VRK1: variants seen among roughly 807,000 people sequenced by gnomAD.
The protein encoded by VRK1 is serine/threonine-protein kinase VRK1.
Under a neutral mutation model 57.1 loss-of-function variants are expected in VRK1, and 33 were observed. That is an observed-to-expected ratio of 0.58 (90% CI 0.44 to 0.77). The LOEUF is 0.77. Ranked by LOEUF, VRK1 falls within the 30% of genes least tolerant of loss-of-function variation. VRK1 has a pLI of 0.00. For synonymous variants in VRK1, 137 were observed against 147.8 expected, an observed-to-expected ratio of 0.93 and a Z score of 0.53; for missense variants, 413 against 477.3, an observed-to-expected ratio of 0.87 and a Z score of 1.25.
At chr14:96,858,043 AT>A (rs1480194922) in intron 10 of VRK1, among the ~76,000 whole-genome samples, 1 of 151,314 alleles carries the variant, frequency 6.6e-6, no homozygotes, top group Non-Finnish European at 1.5e-5. Context: ...ATTCATCCCC[AT>A]TATCGCATGT....
chr14:96,855,173 T>C (rs766657488), intron 7 of VRK1, 51 bp from the exon 8 acceptor site: 4 of 1,613,396 alleles, frequency 2.5e-6, no homozygotes, highest in East Asian at 2.2e-5. Context: ...TAAAGGGTTA[T>C]ATGTGCAGTG....
chr14:96,877,540 T>G (rs1217698686), intron 12 of VRK1: 1 of 1,289,538 alleles, frequency 7.8e-7, no homozygotes, highest in Non-Finnish European at 1.0e-6. Context: ...TCGAAGCATG[T>G]CTCAGCCAGA....
At chr14:96,843,848 A>G (rs1179442542) in intron 3 of VRK1, among the ~76,000 whole-genome samples, 1 of 152,208 alleles carries the variant, frequency 6.6e-6, no homozygotes, top group Non-Finnish European at 1.5e-5. Context: ...TTATTGGATT[A>G]GAAGAAGTAT....
At position 96,856,253 on chromosome 14, in the gene VRK1, A is replaced by G; in HGVS notation, c.830+3A>G. 3.1e-6 allele frequency: 5 copies of G among 1,612,658 alleles called. No homozygotes were observed. The highest frequency in any genetic ancestry group is 4.2e-6 in the Non-Finnish European group (5 of 1,179,636). On this transcript the variant is annotated splice_donor_region_variant and intron_variant, in intron 9 of 12. Transcript: ENST00000216639. ...TATGTTAGAGATTCCAAAATTAGGTAAAGGAAAACTTAAGTTATTTCTAGC... is the reference window on the plus strand; with the variant it reads ...TATGTTAGAGATTCCAAAATTAGGTGAAGGAAAACTTAAGTTATTTCTAGC...
intron 7 of VRK1, among the ~76,000 whole-genome samples, chr14:96,854,181 T>G (rs1473219011): frequency 6.6e-6 from 1 of 152,116 alleles, no homozygotes; most frequent in Non-Finnish European, 1.5e-5. Context: ...TTCTAGCCAT[T>G]TCTTTTTAGA....
intron 1 of VRK1, among the ~76,000 whole-genome samples, 162 bp from the exon 2 acceptor site, chr14:96,833,305 T>C (rs1461511866): frequency 1.3e-5 from 2 of 152,192 alleles, no homozygotes; most frequent in Non-Finnish European, 2.9e-5. Flanking sequence ...GATAATCAAA[T>C]AGGATTTGAG....
intron 1 of VRK1, among the ~76,000 whole-genome samples, chr14:96,812,153 G>C (rs187052800): frequency 6.6e-6 from 1 of 152,250 alleles, no homozygotes; most frequent in East Asian, 1.9e-4. Context: ...CATTGTATAG[G>C]TGTACCAAAT....
At chr14:96,808,751 A>G (rs1360312043) in intron 1 of VRK1, among the ~76,000 whole-genome samples, 1 of 151,524 alleles carries the variant, frequency 6.6e-6, no homozygotes, top group East Asian at 1.9e-4. Context: ...TTTTAAAAAT[A>G]GCTCTGTAGT....
intron 5 of VRK1, among the ~76,000 whole-genome samples, chr14:96,849,469 G>A (rs1451795474): frequency 6.6e-6 from 1 of 151,308 alleles, no homozygotes; most frequent in African/African-American, 2.4e-5. Context: ...AACCAAGCAC[G>A]GTATATTGCA....
chr14:96,820,096 GCTT>G (rs1282296970), intron 1 of VRK1, among the ~76,000 whole-genome samples: 3 of 152,064 alleles, frequency 2.0e-5, no homozygotes, highest in East Asian at 1.9e-4. Flanking sequence ...GTGCTTTGGA[GCTT>G]CTTCTCAGTC....
At chr14:96,836,476 C>T (rs1887216991) in intron 2 of VRK1, among the ~76,000 whole-genome samples, 1 of 151,142 alleles carries the variant, frequency 6.6e-6, no homozygotes, top group African/African-American at 2.4e-5. Flanking sequence ...ACTTTTGCCT[C>T]CTTGTTTTCC....
intron 3 of VRK1, among the ~76,000 whole-genome samples, chr14:96,838,863 G>T (rs1408747327): frequency 1.3e-5 from 2 of 152,004 alleles, no homozygotes; most frequent in Non-Finnish European, 2.9e-5. Flanking sequence ...GACCTTTTTA[G>T]TGATTTTTAA....
chr14:96,852,835 A>C lies in VRK1; in HGVS notation c.379A>C (p.Arg127=). 6.2e-7 allele frequency: 1 copy of C among 1,613,330 alleles called. No individual in the cohort carries two copies. The highest frequency in any genetic ancestry group is 1.1e-5 in the South Asian group (1 of 91,068). The change falls in exon 6 of 13, where the codon AGG becomes CGG. Residue 127 remains arginine (R), a synonymous_variant. Coordinates refer to ENST00000216639, the MANE Select transcript of VRK1 (RefSeq NM_003384.3). ...GCTTTTCATATTTGTCTTCAGTTAC[A>C]GGTTTATGATAATGGATCGCTTTGG... ...GLHDKNGKSY[R]FMIMDRFGSD...
intron 10 of VRK1, among the ~76,000 whole-genome samples, chr14:96,857,774 A>G (rs1322158144): frequency 6.6e-6 from 1 of 152,150 alleles, no homozygotes; most frequent in Non-Finnish European, 1.5e-5. Flanking sequence ...GCTATTTAAA[A>G]TTGCAACCTA....
At chr14:96,814,558 A>G (rs958900820) in intron 1 of VRK1, among the ~76,000 whole-genome samples, 2 of 152,220 alleles carry the variant, frequency 1.3e-5, no homozygotes, top group African/African-American at 2.4e-5. Context: ...TAAAAGAGCA[A>G]AGAATGAAAA....
In VRK1 at chr14:96,855,331, G is replaced by A. The variant is rs753585913; in HGVS notation, c.684G>A (p.Thr228=). The change falls in exon 8 of 13, where the codon ACG becomes ACA. Residue 228 remains threonine (T), a synonymous_variant. Transcript: ENST00000216639. ...GTCACGATGGCACTATTGAATTCACGAGCATCGATGCACACAATGGCGTGG... is the reference window on the plus strand; with the variant it reads ...GTCACGATGGCACTATTGAATTCACAAGCATCGATGCACACAATGGCGTGG... ...KRCHDGTIEF[T]SIDAHNGVAP... The A allele has an allele frequency of 2.5e-6, 4 of 1,613,916 alleles. No individual in the cohort carries two copies. Among genetic ancestry groups the A allele is most frequent in the East Asian group, 2.2e-5 (1 of 44,880 alleles).
chr14:96,808,017 CTGTGTGTG>C (rs3049309), intron 1 of VRK1, among the ~76,000 whole-genome samples: 26,828 of 127,124 alleles, frequency 0.21, 3,151 homozygotes, highest in Non-Finnish European at 0.27. Context: ...CTCTCTCCCT[CTGTGTGTG>C]TGTGTGTGTG....
intron 11 of VRK1, among the ~76,000 whole-genome samples, chr14:96,866,675 C>T (rs928593317): frequency 2.6e-5 from 4 of 152,048 alleles, no homozygotes; most frequent in Non-Finnish European, 4.4e-5. Context: ...AGTCTTTTCT[C>T]CCCCAAGCTG....
chr14:96,832,476 A>G (rs189933894), intron 1 of VRK1, among the ~76,000 whole-genome samples: 1 of 152,280 alleles, frequency 6.6e-6, no homozygotes, highest in Admixed American at 6.5e-5. Flanking sequence ...TCACATGCAT[A>G]CTAGTACAAA....
Sources: gnomAD v4.1 joint callset for allele counts (sites outside exome capture counted in the v4.1 genomes callset) on GRCh38, gnomAD v4.1.1 for gene constraint, MANE v1.5 for transcripts, NCBI Gene and HGNC (gene_info 2026-07-23, HGNC 2026-07-21) for gene names.